Variants in SMCO2 observed in about 807,000 individuals in gnomAD.
The protein encoded by SMCO2 is single-pass membrane protein with coiled-coil domains 2.
Under a neutral mutation model 29.5 loss-of-function variants are expected in SMCO2, and 25 were observed. That is an observed-to-expected ratio of 0.85 (90% confidence interval 0.62 to 1.18). The LOEUF is 1.18. SMCO2 is among the 50% of genes most tolerant of loss of function. The probability of loss-of-function intolerance (pLI) is 0.00; values close to 1 mark genes in which losing one functional copy is unlikely to be tolerated. For missense variants in SMCO2, 348 were observed against 344.5 expected (o/e 1.01, Z -0.08); for synonymous variants, 117 against 123.3 (o/e 0.95, Z 0.34).
upstream of SMCO2, among the ~76,000 whole-genome samples, chr12:27,462,143 ATG>A (rs1394280084): frequency 6.6e-6 from 1 of 152,166 alleles, no homozygotes; most frequent in Admixed American, 6.5e-5. Context: ...TTTCACAATG[ATG>A]TTTTTTTCCT....
At chr12:27,466,233 C>T (rs1378418552), upstream of SMCO2, among the ~76,000 whole-genome samples, 2 of 152,014 alleles carry the variant, frequency 1.3e-5, no homozygotes, top group African/African-American at 4.8e-5. Flanking sequence ...ACCAGCCCGG[C>T]CAACATGGTG....
the SMCO2 span, among the ~76,000 whole-genome samples, chr12:27,460,286 C>T: frequency 7.2e-5 from 11 of 152,146 alleles, no homozygotes; most frequent in Non-Finnish European, 1.2e-4. Flanking sequence ...GTTAGGGGCA[C>T]CAACCCCACA....
the SMCO2 span, among the ~76,000 whole-genome samples, chr12:27,458,085 C>G: frequency 5.9e-5 from 9 of 152,118 alleles, no homozygotes; most frequent in Admixed American, 2.0e-4. Context: ...TAATTGTATC[C>G]GCTTGTGCTT....
At position 27,495,503 on chromosome 12, in the gene SMCO2, G is replaced by A. The variant is rs181178056; in HGVS notation, c.508-177G>A. On this transcript the variant is annotated intron_variant, in intron 6 of 7. Transcript: ENST00000298876. ...CGTAGTGCTACCTTACACTGTGAAT[G>A]TGTATGTCTGCTTCTATTCAAGATG... 1.1e-3 allele frequency among the ~76,000 whole-genome samples: 166 copies of A among 150,702 alleles called. 17 individuals are homozygous for A. Among genetic ancestry groups the A allele is most frequent in the African/African-American group, 4.1e-3 (165 of 40,324 alleles).
chr12:27,458,661 G>A, the SMCO2 span, among the ~76,000 whole-genome samples: 4 of 150,222 alleles, frequency 2.7e-5, no homozygotes, highest in South Asian at 4.2e-4. Flanking sequence ...CAACGTGGGC[G>A]GATCACCTGA....
the SMCO2 span, chr12:27,423,875 G>GCTGT: frequency 6.6e-6 from 1 of 152,144 alleles, no homozygotes; most frequent in Non-Finnish European, 1.5e-5. Context: ...CTAGAACTGT[G>GCTGT]CTGTCCAGTG....
intron 4 of SMCO2, among the ~76,000 whole-genome samples, chr12:27,481,164 G>A (rs1949639698): frequency 6.6e-6 from 1 of 152,218 alleles, no homozygotes; most frequent in South Asian, 2.1e-4. Flanking sequence ...TGGGCCCCAG[G>A]GCAGGAGGTA....
intron 2 of SMCO2, 48 bp downstream of exon 2, chr12:27,470,813 CA>C (rs1394793525): frequency 6.5e-7 from 1 of 1,539,278 alleles, no homozygotes; most frequent in Non-Finnish European, 8.8e-7. Context: ...GTCCCAACTG[CA>C]GACGTTCTTG....
At chr12:27,427,398 G>C in the SMCO2 span, among the ~76,000 whole-genome samples, 5 of 152,122 alleles carry the variant, frequency 3.3e-5, no homozygotes, top group Non-Finnish European at 7.3e-5. Context: ...TTTGAGAACC[G>C]CTGATCTTGC....
the SMCO2 span, among the ~76,000 whole-genome samples, chr12:27,458,321 A>G: frequency 2.0e-5 from 3 of 152,210 alleles, no homozygotes; most frequent in Non-Finnish European, 4.4e-5. Context: ...TTCCTGAAAG[A>G]GTTTAAATTA....
the SMCO2 span, among the ~76,000 whole-genome samples, chr12:27,439,979 G>T: frequency 6.6e-6 from 1 of 152,148 alleles, no homozygotes; most frequent in African/African-American, 2.4e-5. Flanking sequence ...AGATATAAAT[G>T]TGCAGGTAGA....
chr12:27,481,795 T>C (rs1356869505), intron 4 of SMCO2, among the ~76,000 whole-genome samples: 1 of 152,238 alleles, frequency 6.6e-6, no homozygotes, highest in Non-Finnish European at 1.5e-5. Flanking sequence ...AAGTTATCCG[T>C]AACATTCCCT....
chr12:27,442,715 G>A, the SMCO2 span, among the ~76,000 whole-genome samples: 1 of 152,102 alleles, frequency 6.6e-6, no homozygotes, highest in South Asian at 2.1e-4. Flanking sequence ...CAGCCTCCTG[G>A]GCTCAAGTGA....
intron 5 of SMCO2, 171 bp from the exon 7 acceptor site, chr12:27,494,129 T>A (rs529101558): frequency 9.4e-4 from 419 of 445,294 alleles, no homozygotes; most frequent in Middle Eastern, 1.8e-3. Context: ...CCACTTACAG[T>A]CTGCAATTTA....
At chr12:27,482,394 C>A (rs1293130985) in intron 4 of SMCO2, among the ~76,000 whole-genome samples, 1 of 152,172 alleles carries the variant, frequency 6.6e-6, no homozygotes, top group African/African-American at 2.4e-5. Flanking sequence ...CTCTGCCTCC[C>A]GGGTTCAAGC....
At chr12:27,494,379 C>A (rs1283781743) in intron 6 of SMCO2, 23 bp downstream of exon 7, 21 of 1,486,130 alleles carry the variant, frequency 1.4e-5, no homozygotes, top group Non-Finnish European at 1.9e-5. Context: ...TTACACAATT[C>A]AAACAATGAT....
exon 7 of SMCO2, chr12:27,495,828 A>C (rs1340126402): frequency 5.2e-6 from 8 of 1,527,886 alleles, no homozygotes. Context: ...TTTTTAGTGC[A>C]GAAGTCTCCT....
At chr12:27,489,204 A>G (rs938058626) in intron 5 of SMCO2, among the ~76,000 whole-genome samples, 1 of 151,968 alleles carries the variant, frequency 6.6e-6, no homozygotes, top group Non-Finnish European at 1.5e-5. Flanking sequence ...GTGTGCCACC[A>G]TGTCTGGCTA....
Position 27,502,061 on chromosome 12 carries a change from C to T in SMCO2, c.822C>T (p.Asp274=), listed in dbSNP as rs748124671. The T allele has an allele frequency of 1.5e-5, 23 of 1,546,884 alleles. 2 individuals are homozygous for T. The South Asian group carries it at 2.2e-4, about 15-fold the overall frequency. The change falls in exon 8 of 8, where the codon GAC becomes GAT. Residue 274 remains aspartate (D), a synonymous_variant. Transcript: ENST00000298876. ...TGCTTGGGTGCCGCACCACATGGGACCTACGGGAGATGAGAGAGCCTTTCT... is the reference window on the plus strand; with the variant it reads ...TGCTTGGGTGCCGCACCACATGGGATCTACGGGAGATGAGAGAGCCTTTCT...
Sources: gnomAD v4.1 joint callset for allele counts (sites outside exome capture counted in the v4.1 genomes callset) on GRCh38, gnomAD v4.1.1 for gene constraint, MANE v1.5 for transcripts, NCBI Gene and HGNC (gene_info 2026-07-23, HGNC 2026-07-21) for gene names.